OSBPL10: variants seen among roughly 807,000 people sequenced by gnomAD.
OSBPL10 encodes the protein oxysterol binding protein like 10.
In OSBPL10, 49 loss-of-function variants were observed where a neutral mutation model predicts 81.7. The observed-to-expected ratio is 0.60, with a 90% CI of 0.48 to 0.76. The LOEUF is 0.76. Among genes scored for constraint, OSBPL10 ranks in the 30% least tolerant of loss-of-function variants. The pLI is 0.00. For synonymous variants in OSBPL10, 419 were observed against 383.6 expected (o/e 1.09, Z -1.08); for missense variants, 923 against 987.8 (o/e 0.93, Z 0.88).
intron 1 of OSBPL10, among the ~76,000 whole-genome samples, chr3:32,059,165 A>T (rs1430098565): frequency 6.6e-6 from 1 of 152,064 alleles, no homozygotes; most frequent in Non-Finnish European, 1.5e-5. Context: ...GCATGGTGGC[A>T]TATGCCTGTA....
chr3:31,794,249 A>C (rs6797132), intron 4 of OSBPL10, among the ~76,000 whole-genome samples: 29 of 152,174 alleles, frequency 1.9e-4, no homozygotes, highest in African/African-American at 6.7e-4. Context: ...GGTTCAAGCA[A>C]TTCTCCTGCC....
intron 1 of OSBPL10, among the ~76,000 whole-genome samples, chr3:31,899,762 C>T (rs1172814283): frequency 6.6e-6 from 1 of 152,102 alleles, no homozygotes; most frequent in Non-Finnish European, 1.5e-5. Flanking sequence ...AGGAGAATTG[C>T]TTAAAGTCAG....
intron 2 of OSBPL10, among the ~76,000 whole-genome samples, chr3:32,043,249 C>A (rs1003977039): frequency 1.3e-5 from 2 of 152,122 alleles, no homozygotes; most frequent in Non-Finnish European, 2.9e-5. Context: ...CCTACTTGCA[C>A]GTCCGTTTAT....
intron 4 of OSBPL10, among the ~76,000 whole-genome samples, chr3:31,786,211 CTA>C: frequency 6.6e-6 from 1 of 152,300 alleles, no homozygotes; most frequent in African/African-American, 2.4e-5. Context: ...GGTCTCTCAT[CTA>C]TGTGATGAGT....
chr3:31,662,862 C>T, intron 11 of OSBPL10: 1 of 985,446 alleles, frequency 1.0e-6, no homozygotes, highest in Non-Finnish European at 1.2e-6. Context: ...AGGGAGCTAA[C>T]CTCACAGAAG....
chr3:31,708,902 T>C (rs1449648837), intron 6 of OSBPL10: 2 of 985,292 alleles, frequency 2.0e-6, no homozygotes, highest in East Asian at 1.1e-4. Flanking sequence ...CTTCAGCTGG[T>C]GTCTGGTATA....
At chr3:31,765,015 CTTT>C (rs1223917203) in intron 4 of OSBPL10, among the ~76,000 whole-genome samples, 1 of 151,942 alleles carries the variant, frequency 6.6e-6, no homozygotes, top group South Asian at 2.1e-4. Context: ...TAACTAACTA[CTTT>C]TTTTCTTTTT....
In OSBPL10 at chr3:31,830,101, G is replaced by A. The variant is rs139652872; in HGVS notation, c.668C>T (p.Ser223Leu). The A allele has an allele frequency of 1.4e-4, 223 of 1,614,070 alleles. No individual in the cohort carries two copies. In the African/African-American group the frequency reaches 2.2e-3, roughly 16 times the overall value. Residue 223 changes from serine to leucine, a missense_variant, in exon 4 of 12, where the codon TCG becomes TTG. Transcript: ENST00000396556. ...CTTGGCTCTTCGGGCGGCTGCAGGC[G>A]ACTTGTGATGCGTGATTGTGACAAC... ...PGVVTITHHK[S>L]PAAARRAKSQ... is the part of the protein sequence containing the mutation.
At chr3:32,051,441 C>T (rs994136870) in intron 1 of OSBPL10, among the ~76,000 whole-genome samples, 1 of 151,916 alleles carries the variant, frequency 6.6e-6, no homozygotes, top group African/African-American at 2.4e-5. Flanking sequence ...TGGCAGTTAT[C>T]AGGGGATACT....
intron 1 of OSBPL10, among the ~76,000 whole-genome samples, chr3:31,951,268 G>A (rs1382349244): frequency 8.0e-5 from 12 of 150,252 alleles, no homozygotes; most frequent in African/African-American, 2.7e-4. Context: ...GAAACAAAAC[G>A]GGAAAAAAAA....
intron 4 of OSBPL10, among the ~76,000 whole-genome samples, chr3:31,821,663 G>T (rs1177176394): frequency 6.6e-6 from 1 of 152,056 alleles, no homozygotes; most frequent in Non-Finnish European, 1.5e-5. Flanking sequence ...ACATTTTATG[G>T]TTACTTGTCA....
At chr3:31,680,485 G>A (rs1211425238) in intron 8 of OSBPL10, among the ~76,000 whole-genome samples, 1 of 152,204 alleles carries the variant, frequency 6.6e-6, no homozygotes, top group African/African-American at 2.4e-5. Flanking sequence ...CTGAGGGCAG[G>A]ATGGATACTG....
At chr3:31,961,031 A>C (rs1698144661) in intron 1 of OSBPL10, among the ~76,000 whole-genome samples, 1 of 145,160 alleles carries the variant, frequency 6.9e-6, no homozygotes, top group Non-Finnish European at 1.5e-5. Context: ...TCAATGTTTA[A>C]CCAAGAAGCT....
intron 1 of OSBPL10, among the ~76,000 whole-genome samples, chr3:31,910,031 G>A (rs1378415237): frequency 4.1e-5 from 6 of 147,174 alleles, no homozygotes; most frequent in African/African-American, 1.3e-4. Flanking sequence ...CACCAGGCTG[G>A]AGTGCAGTGG....
intron 6 of OSBPL10, among the ~76,000 whole-genome samples, chr3:31,705,981 TG>T (rs1696051991): frequency 6.6e-6 from 1 of 152,102 alleles, no homozygotes; most frequent in Non-Finnish European, 1.5e-5. Context: ...GCCACAAAAA[TG>T]TATGCAAACT....
At chr3:31,706,367 C>A (rs974364191) in intron 6 of OSBPL10, among the ~76,000 whole-genome samples, 1 of 152,166 alleles carries the variant, frequency 6.6e-6, no homozygotes, top group Non-Finnish European at 1.5e-5. Context: ...GGGTCCATAG[C>A]TCCCCTTGGA....
At chr3:31,903,330 G>GT (rs11383935) in intron 1 of OSBPL10, among the ~76,000 whole-genome samples, 61,646 of 137,162 alleles carry the variant, frequency 0.45, 15,719 homozygotes, top group African/African-American at 0.71. Flanking sequence ...TGCTTTTTAG[G>GT]TTTTTTTTTT....
chr3:31,868,058 GAAA>G (rs772268332), intron 3 of OSBPL10, among the ~76,000 whole-genome samples: 1 of 141,954 alleles, frequency 7.0e-6, no homozygotes, highest in African/African-American at 2.6e-5. Flanking sequence ...GAACGTACAA[GAAA>G]AAAAAAAAAG....
At chr3:31,957,610 T>TG (rs1477311987) in intron 1 of OSBPL10, among the ~76,000 whole-genome samples, 2 of 152,102 alleles carry the variant, frequency 1.3e-5, no homozygotes, top group Non-Finnish European at 2.9e-5. Context: ...CCTGGGGTTT[T>TG]TTGTTGTTAT....
Sources: gnomAD v4.1 joint callset for allele counts (sites outside exome capture counted in the v4.1 genomes callset) on GRCh38, gnomAD v4.1.1 for gene constraint, MANE v1.5 for transcripts, NCBI Gene and HGNC (gene_info 2026-07-23, HGNC 2026-07-21) for gene names.